The following NAV3 variants were observed in gnomAD, a reference collection of about 807,000 sequenced individuals.
NAV3 encodes neuron navigator 3, also known as pore membrane and/or filament interacting like protein 1.
In NAV3, 87 loss-of-function variants were observed where a neutral mutation model predicts 244.7. The ratio of observed to expected loss-of-function variants is 0.36; its 90% CI spans 0.30 to 0.42. NAV3 has a LOEUF of 0.42. Ranked by LOEUF, NAV3 falls within the 20% of genes least tolerant of loss-of-function variation. The pLI is 1.00. For missense variants in NAV3, 2,663 were observed against 2,893.3 expected (o/e 0.92, Z 1.83); for synonymous variants, 1,126 against 1,042.2 (o/e 1.08, Z -1.55).
At chr12:77,740,173 C>G (rs1018736861) in intron 2 of NAV3, among the ~76,000 whole-genome samples, 1 of 152,142 alleles carries the variant, frequency 6.6e-6, no homozygotes, top group Non-Finnish European at 1.5e-5. Context: ...GAGAACTGAA[C>G]ATGACCATTA....
intron 18 of NAV3, among the ~76,000 whole-genome samples, chr12:78,133,486 T>A (rs1399911420): frequency 4.0e-5 from 6 of 151,632 alleles, no homozygotes; most frequent in African/African-American, 1.5e-4. Context: ...CTTTTCTGAA[T>A]AATCAGTAAG....
chr12:78,000,701 C>T (rs1320097507), intron 7 of NAV3, among the ~76,000 whole-genome samples: 4 of 145,912 alleles, frequency 2.7e-5, no homozygotes, highest in African/African-American at 1.0e-4. Flanking sequence ...GACGGGGTTT[C>T]ACCGTGTTAG....
chr12:78,009,533 G>T (rs1321548992), intron 8 of NAV3, among the ~76,000 whole-genome samples: 67 of 151,594 alleles, frequency 4.4e-4, no homozygotes, highest in Non-Finnish European at 1.3e-4. Flanking sequence ...GCATCTTGTG[G>T]TGGTGGTTGC....
chr12:77,944,664 T>C (rs1890165892), intron 3 of NAV3, among the ~76,000 whole-genome samples: 1 of 152,050 alleles, frequency 6.6e-6, no homozygotes, highest in South Asian at 2.1e-4. Context: ...TGGACAAGAA[T>C]GGAATCTTAC....
intron 3 of NAV3, among the ~76,000 whole-genome samples, chr12:77,963,656 C>T (rs1319606489): frequency 1.3e-5 from 2 of 152,108 alleles, no homozygotes; most frequent in East Asian, 1.9e-4. Context: ...CTTATTCTGT[C>T]GCTAACTTAG....
rs1314872103 is a variant in NAV3, at chr12:77,939,081, A to G, written c.244-1238A>G. 2.6e-5 allele frequency among the ~76,000 whole-genome samples: 4 copies of G among 152,046 alleles called. No homozygotes were observed. In the East Asian group the frequency reaches 7.7e-4, roughly 29 times the overall value. ...GGGAGACTTTCATTTTTTAGTTTCT[A>G]TACTTCTGGTTTATTATTATTACTT... On this transcript the variant is annotated intron_variant, in intron 1 of 39. Transcript: ENST00000397909.
At chr12:77,658,549 A>G (rs1305209455) in intron 2 of NAV3, among the ~76,000 whole-genome samples, 4 of 151,792 alleles carry the variant, frequency 2.6e-5, no homozygotes, top group Non-Finnish European at 5.9e-5. Context: ...TAATGTATAG[A>G]TTCAATGCCA....
At chr12:77,612,972 T>C (rs561767180) in intron 2 of NAV3, among the ~76,000 whole-genome samples, 7 of 152,078 alleles carry the variant, frequency 4.6e-5, no homozygotes, top group Non-Finnish European at 8.8e-5. Flanking sequence ...GCTGCCTCCA[T>C]GTGAAGAAGG....
At chr12:78,037,530 T>C (rs1008198506) in intron 9 of NAV3, 3 of 585,560 alleles carry the variant, frequency 5.1e-6, no homozygotes, top group African/African-American at 3.9e-5. Context: ...AATTCCTGTT[T>C]CTTGAAGTGA....
chr12:77,692,440 A>G (rs1035921096), intron 2 of NAV3, among the ~76,000 whole-genome samples: 20 of 152,034 alleles, frequency 1.3e-4, no homozygotes, highest in African/African-American at 3.1e-4. Context: ...CAGTTTGTCA[A>G]TCTGTAAGAT....
intron 6 of NAV3, among the ~76,000 whole-genome samples, chr12:77,997,668 C>G (rs1872588099): frequency 6.6e-6 from 1 of 152,210 alleles, no homozygotes; most frequent in African/African-American, 2.4e-5. Context: ...CCTCTGTGAT[C>G]AGTTGGCCAA....
chr12:77,601,974 T>TG (rs1870454490), intron 2 of NAV3, among the ~76,000 whole-genome samples: 1 of 151,996 alleles, frequency 6.6e-6, no homozygotes, highest in Non-Finnish European at 1.5e-5. Flanking sequence ...GTACCAAAGA[T>TG]CCAATTTAAC....
intron 12 of NAV3, among the ~76,000 whole-genome samples, chr12:78,114,713 C>T (rs1420550848): frequency 6.6e-6 from 1 of 152,064 alleles, no homozygotes; most frequent in Non-Finnish European, 1.5e-5. Context: ...CACAGCCAAA[C>T]CATGTCAGTC....
At chr12:78,190,633 G>C (rs375169303) in intron 34 of NAV3, among the ~76,000 whole-genome samples, 1 of 151,994 alleles carries the variant, frequency 6.6e-6, no homozygotes, top group East Asian at 1.9e-4. Flanking sequence ...AAATAACATG[G>C]GTTTTGCAGG....
chr12:77,697,617 C>G (rs1355556307), intron 2 of NAV3, among the ~76,000 whole-genome samples: 1 of 152,106 alleles, frequency 6.6e-6, no homozygotes, highest in African/African-American at 2.4e-5. Context: ...GAATTTCACT[C>G]TGGCTCATTT....
intron 2 of NAV3, among the ~76,000 whole-genome samples, chr12:77,694,543 C>A (rs940784718): frequency 9.9e-5 from 15 of 151,614 alleles, no homozygotes; most frequent in Non-Finnish European, 2.2e-4. Flanking sequence ...CAAACCTTAA[C>A]AACCAAGTTC....
At chr12:77,791,420 A>G (rs1213248007) in intron 2 of NAV3, among the ~76,000 whole-genome samples, 2 of 151,922 alleles carry the variant, frequency 1.3e-5, no homozygotes, top group African/African-American at 2.4e-5. Context: ...AATCTTATGG[A>G]TAGGCCCTAA....
chr12:78,199,185 A>T, intron 36 of NAV3, 150 bp from the exon 37 acceptor site: 2 of 731,014 alleles, frequency 2.7e-6, no homozygotes, highest in Non-Finnish European at 4.8e-6. Context: ...AACACCTTTG[A>T]TCATGAAAAG....
In NAV3 at chr12:78,119,404, C is replaced by G. The variant is rs2138608232; in HGVS notation, c.3208C>G (p.Pro1070Ala). ...CACCAGCTCCTTTGGCTTTAAGAAA[C>G]CAAGTGGAGTAGGGTCATCTGCCAT... The part of the protein sequence containing the change: ...TATSSFGFKK[P>A]SGVGSSAMIT... The change falls in exon 15 of 40, where the codon CCA becomes GCA. Residue 1070 changes from proline to alanine, a missense_variant. By Grantham distance (27) the Pro-to-Ala change is conservative. Transcript: ENST00000397909. 7 of 1,614,134 alleles carry G rather than the reference C, an allele frequency of 4.3e-6. No homozygotes were observed. The highest frequency in any genetic ancestry group is 5.9e-6 in the Non-Finnish European group (7 of 1,180,024).
Sources: allele counts gnomAD v4.1 joint callset (sites outside exome capture counted in the v4.1 genomes callset), GRCh38; gene constraint gnomAD v4.1.1; transcripts MANE v1.5; gene names NCBI Gene and HGNC (gene_info 2026-07-23, HGNC 2026-07-21).